RSU1: variants seen among roughly 807,000 people sequenced by gnomAD.
RSU1 encodes rsu-1.
A neutral mutation model predicts 31.1 loss-of-function variants in RSU1; 26 were observed. That is an observed-to-expected ratio of 0.84 (90% CI 0.61 to 1.16). The LOEUF is 1.16. RSU1 is among the 50% of genes most tolerant of loss of function. The pLI is 0.00. For synonymous variants in RSU1, 164 were observed against 136.3 expected, an observed-to-expected ratio of 1.20 and a Z score of -1.41; for missense variants, 320 against 339.1, an observed-to-expected ratio of 0.94 and a Z score of 0.44.
intron 7 of RSU1, among the ~76,000 whole-genome samples, chr10:16,720,396 G>C (rs1836229028): frequency 6.6e-6 from 1 of 152,146 alleles, no homozygotes; most frequent in Non-Finnish European, 1.5e-5. Flanking sequence ...ATGTCCAACA[G>C]AAATGCACAT....
chr10:16,596,269 AC>A lies in RSU1; in HGVS notation c.732-2774del, dbSNP rs568764218. Among the ~76,000 whole-genome samples, 116 of 152,252 alleles carry A rather than the reference AC, an allele frequency of 7.6e-4. 1 individual carries two copies. The highest frequency in any genetic ancestry group is 2.4e-4 in the Non-Finnish European group (16 of 68,018). ...TCTGCAGGTGTCGAAGTTAAGGACC[AC>A]CCTGCATTAGCCATGTGGACTCAAC... is the stretch of plus-strand genomic sequence containing the variant. On this transcript the variant is annotated intron_variant, in intron 8 of 8. Coordinates refer to ENST00000345264, the MANE Select transcript of RSU1 (RefSeq NM_012425.4).
intron 7 of RSU1, among the ~76,000 whole-genome samples, chr10:16,738,833 A>G (rs1836690634): frequency 6.6e-6 from 1 of 151,950 alleles, no homozygotes; most frequent in Non-Finnish European, 1.5e-5. Flanking sequence ...TGCATTAGGT[A>G]TTTGTCCTAA....
chr10:16,675,322 C>T (rs778042152), intron 8 of RSU1, among the ~76,000 whole-genome samples: 2 of 152,102 alleles, frequency 1.3e-5, no homozygotes, highest in South Asian at 2.1e-4. Context: ...TATGTCTTCC[C>T]GATGTCACTG....
At chr10:16,768,382 A>C (rs1174877693) in intron 3 of RSU1, among the ~76,000 whole-genome samples, 2 of 152,236 alleles carry the variant, frequency 1.3e-5, no homozygotes, top group African/African-American at 4.8e-5. Flanking sequence ...TAGGAAGCTT[A>C]GTCATGTAGA....
At chr10:16,750,008 C>T (rs1836942326) in intron 7 of RSU1, among the ~76,000 whole-genome samples, 1 of 152,194 alleles carries the variant, frequency 6.6e-6, no homozygotes, top group African/African-American at 2.4e-5. Context: ...ACAGACTTGT[C>T]AGCAACCAAC....
At chr10:16,673,428 A>T (rs1835157045) in intron 8 of RSU1, among the ~76,000 whole-genome samples, 1 of 152,216 alleles carries the variant, frequency 6.6e-6, no homozygotes, top group Admixed American at 6.5e-5. Context: ...AAAGAAACAA[A>T]ATACCAATTT....
intron 8 of RSU1, among the ~76,000 whole-genome samples, chr10:16,609,897 A>G (rs1316402274): frequency 6.6e-6 from 1 of 152,214 alleles, no homozygotes; most frequent in Non-Finnish European, 1.5e-5. Context: ...GACACATTCC[A>G]TATTCCACAT....
chr10:16,613,592 G>A (rs898286628), intron 8 of RSU1, among the ~76,000 whole-genome samples: 2 of 152,188 alleles, frequency 1.3e-5, no homozygotes, highest in African/African-American at 4.8e-5. Context: ...CAGACATCAA[G>A]AATCTGGGCT....
chr10:16,690,986 A>G (rs540248760), intron 8 of RSU1, among the ~76,000 whole-genome samples: 100 of 152,142 alleles, frequency 6.6e-4, no homozygotes, highest in Admixed American at 2.2e-3. Flanking sequence ...AAGGGGAAGT[A>G]TGCGGCTTAA....
intron 8 of RSU1, among the ~76,000 whole-genome samples, chr10:16,621,122 T>C (rs932158901): frequency 1.6e-4 from 24 of 152,364 alleles, no homozygotes; most frequent in African/African-American, 5.8e-4. Flanking sequence ...TGTGCAATTC[T>C]GCCTCTGCCA....
intron 2 of RSU1, among the ~76,000 whole-genome samples, chr10:16,806,003 C>T (rs564043803): frequency 6.6e-6 from 1 of 152,292 alleles, no homozygotes; most frequent in Admixed American, 6.5e-5. Flanking sequence ...AGGAGGAGCA[C>T]CAGCTCCCAA....
intron 8 of RSU1, among the ~76,000 whole-genome samples, chr10:16,612,878 G>A (rs1833916719): frequency 6.6e-6 from 1 of 152,068 alleles, no homozygotes; most frequent in Non-Finnish European, 1.5e-5. Flanking sequence ...GATGCCAGCA[G>A]GCAACCTTCC....
chr10:16,781,228 T>C (rs999147048), intron 3 of RSU1, among the ~76,000 whole-genome samples: 1 of 152,122 alleles, frequency 6.6e-6, no homozygotes, highest in African/African-American at 2.4e-5. Context: ...GTCCCTGTCA[T>C]TAAAATCTTT....
chr10:16,790,592 G>C (rs565813417), intron 2 of RSU1, among the ~76,000 whole-genome samples: 37 of 152,322 alleles, frequency 2.4e-4, no homozygotes, highest in African/African-American at 8.9e-4. Flanking sequence ...AGGCTTATCT[G>C]AGCACAGAGA....
At chr10:16,684,493 G>A (rs7911077) in intron 8 of RSU1, among the ~76,000 whole-genome samples, 1,823 of 152,166 alleles carry the variant, frequency 0.012, 34 homozygotes, top group African/African-American at 0.041. Context: ...CCCTCACCCC[G>A]GATAACTGAT....
At chr10:16,620,737 T>C (rs936757684) in intron 8 of RSU1, among the ~76,000 whole-genome samples, 1 of 151,208 alleles carries the variant, frequency 6.6e-6, no homozygotes, top group African/African-American at 2.4e-5. Flanking sequence ...CCCAGCTACT[T>C]GGGAGGCTGA....
At chr10:16,725,171 G>A (rs1836362013) in intron 7 of RSU1, among the ~76,000 whole-genome samples, 1 of 152,126 alleles carries the variant, frequency 6.6e-6, no homozygotes. Flanking sequence ...CATGTACGAT[G>A]CTTTAATAAA....
intron 2 of RSU1, among the ~76,000 whole-genome samples, chr10:16,807,096 A>G (rs886974409): frequency 6.6e-6 from 1 of 152,208 alleles, no homozygotes; most frequent in Non-Finnish European, 1.5e-5. Context: ...CCTCACTTAC[A>G]GCTGTTAAGA....
Position 16,591,418 on chromosome 10 carries a change from A to T in RSU1, c.*1976T>A, listed in dbSNP as rs577126607. On this transcript the variant is annotated 3_prime_UTR_variant, in exon 9 of 9. Transcript: ENST00000345264. ...CCTAGAAATAAAAATTCTGGGCCCC[A>T]GTACACAATCTTAAGGTTTTGCCAC... 1.3e-5 allele frequency: 2 copies of T among 152,304 alleles called. No homozygotes were observed. The highest frequency in any genetic ancestry group is 4.1e-4 in the South Asian group (2 of 4,828). The allele number at this position is 152,304 out of a possible 1,614,324, so 9.4% of individuals were successfully genotyped here. A position where few individuals can be genotyped will look rare whatever the true frequency, so the allele number is the denominator to read the frequency against.
Sources: allele counts gnomAD v4.1 joint callset (sites outside exome capture counted in the v4.1 genomes callset), GRCh38; gene constraint gnomAD v4.1.1; transcripts MANE v1.5; gene names NCBI Gene and HGNC (gene_info 2026-07-23, HGNC 2026-07-21).